NRK: variants seen among roughly 807,000 people sequenced by gnomAD.
The protein encoded by NRK is Nik related kinase.
Under a neutral mutation model 125.2 loss-of-function variants are expected in NRK, and 67 were observed. The observed-to-expected ratio is 0.54, with a 90% CI of 0.44 to 0.66. The LOEUF is 0.66. NRK is among the 30% of genes least tolerant of loss of function. The pLI is 0.00. For missense variants in NRK, 1,224 were observed against 1,192.9 expected (o/e 1.03, Z -0.38); for synonymous variants, 458 against 429.0 (o/e 1.07, Z -0.84).
intron 2 of NRK, among the ~76,000 whole-genome samples, chrX:105,877,568 T>G (rs2039831223): frequency 9.0e-6 from 1 of 110,983 alleles, no homozygotes; most frequent in African/African-American, 3.3e-5. Flanking sequence ...AAATAAAATT[T>G]TTGAGGAGTC....
intron 2 of NRK, among the ~76,000 whole-genome samples, chrX:105,833,272 C>A (rs2039218567): frequency 1.8e-5 from 2 of 111,311 alleles, no homozygotes; most frequent in Non-Finnish European, 3.8e-5. Flanking sequence ...CTTAGGCTAC[C>A]TCAATTCCAT....
At chrX:105,915,347 T>C (rs944560839) in intron 14 of NRK, among the ~76,000 whole-genome samples, 1 of 110,809 alleles carries the variant, frequency 9.0e-6, no homozygotes, top group Non-Finnish European at 1.9e-5. Flanking sequence ...TAAAAAGCAA[T>C]GTGATAACAT....
chrX:105,887,458 AC>A (rs1760994701), intron 4 of NRK, among the ~76,000 whole-genome samples: 1 of 111,897 alleles, frequency 8.9e-6, no homozygotes, highest in Admixed American at 9.5e-5. Context: ...AGAAAGTGGA[AC>A]CCCTGCATAC....
At chrX:105,907,477 T>A (rs1490202588) in intron 11 of NRK, 1 of 111,781 alleles carries the variant, frequency 8.9e-6, no homozygotes, top group East Asian at 2.8e-4. Context: ...TGTATCATGT[T>A]TTGAGGCAAG....
chrX:105,898,102 T>C (rs1341076637), intron 7 of NRK, among the ~76,000 whole-genome samples: 1 of 112,248 alleles, frequency 8.9e-6, no homozygotes, highest in East Asian at 2.8e-4. Flanking sequence ...TCAAAAGGTC[T>C]ATGTAGGAAT....
chrX:105,861,902 CA>C (rs35263009), intron 2 of NRK, among the ~76,000 whole-genome samples: 35,643 of 103,425 alleles, frequency 0.34, 5,923 homozygotes, highest in African/African-American at 0.64. Context: ...ACCAAAAATA[CA>C]AAAAAAAAAA....
At chrX:105,943,507 C>T (rs1353235927) in intron 23 of NRK, among the ~76,000 whole-genome samples, 1 of 111,902 alleles carries the variant, frequency 8.9e-6, no homozygotes, top group Non-Finnish European at 1.9e-5. Flanking sequence ...CTATTAGGAG[C>T]TTCTTAAGAT....
intron 15 of NRK, among the ~76,000 whole-genome samples, chrX:105,916,803 T>A (rs1413609109): frequency 8.9e-6 from 1 of 111,991 alleles, no homozygotes; most frequent in Non-Finnish European, 1.9e-5. Flanking sequence ...ATAAAATCCA[T>A]ACTTGGTGTT....
chrX:105,930,398 T>A (rs1231824882), intron 19 of NRK, among the ~76,000 whole-genome samples: 1 of 110,815 alleles, frequency 9.0e-6, no homozygotes, highest in Non-Finnish European at 1.9e-5. Context: ...TTGAATTCTT[T>A]ATCTTCAATA....
intron 8 of NRK, among the ~76,000 whole-genome samples, chrX:105,899,608 C>G (rs2040129433): frequency 8.9e-6 from 1 of 111,786 alleles, no homozygotes; most frequent in African/African-American, 3.2e-5. Context: ...CAAGGACTTT[C>G]ACCTGTATTC....
intron 1 of NRK, among the ~76,000 whole-genome samples, chrX:105,828,095 G>A (rs1266941334): frequency 2.7e-5 from 3 of 112,008 alleles, no homozygotes; most frequent in Non-Finnish European, 3.8e-5. Flanking sequence ...TGTTAACCTA[G>A]TATTAAGCAT....
Position 105,899,426 on chromosome X carries a change from A to T in NRK, c.711+712A>T, listed in dbSNP as rs368958553. Among the ~76,000 whole-genome samples, 6 of 111,583 alleles carry T rather than the reference A, an allele frequency of 5.4e-5. No individual in the cohort carries two copies. In the East Asian group the frequency reaches 1.7e-3, roughly 32 times the overall value. ...GACTCAAAACTTGAAGTTGATTAAGATTCATCTCTTTTCCCTTTCCTTAAG... is the reference window on the plus strand; with the variant it reads ...GACTCAAAACTTGAAGTTGATTAAGTTTCATCTCTTTTCCCTTTCCTTAAG... On this transcript the variant is annotated intron_variant, in intron 8 of 28. Transcript: ENST00000243300.
At chrX:105,899,739 C>T (rs760296062) in intron 8 of NRK, among the ~76,000 whole-genome samples, 15 of 111,058 alleles carry the variant, frequency 1.4e-4, no homozygotes, top group African/African-American at 4.9e-4. Flanking sequence ...CCTCCGAGGC[C>T]GCAGATCACC....
At chrX:105,878,246 G>C (rs889981303) in intron 2 of NRK, among the ~76,000 whole-genome samples, 1 of 110,924 alleles carries the variant, frequency 9.0e-6, no homozygotes, top group African/African-American at 3.3e-5. Context: ...TCCTCCCAGA[G>C]ATGTAAATAA....
chrX:105,917,594 CTT>C lies in NRK; in HGVS notation c.2437_2438del (p.Leu813GlyfsTer8), dbSNP rs755678391. On this transcript the variant is annotated frameshift_variant, in exon 16 of 29. Coordinates refer to ENST00000243300, the MANE Select transcript of NRK (RefSeq NM_198465.4). LOFTEE classifies it high-confidence loss of function. ...TTTCATTAGCGTTCCTCAGCGGTCT[CTT>C]TTGGAACAAGCTCAGAAGCCCATTG... ...KFSSSVPQRS[L>X]LEQAQKPIDI... 2.6e-6 allele frequency: 3 copies of C among 1,166,181 alleles called. No individual in the cohort carries two copies. The highest frequency in any genetic ancestry group is 3.9e-5 in the South Asian group (2 of 51,152).
chrX:105,892,583 T>C (rs2040028874), intron 5 of NRK, among the ~76,000 whole-genome samples: 1 of 111,901 alleles, frequency 8.9e-6, no homozygotes, highest in Non-Finnish European at 1.9e-5. Context: ...TTTATGTTAG[T>C]TGAATGGCTT....
intron 16 of NRK, among the ~76,000 whole-genome samples, chrX:105,917,986 TGA>T (rs1170215954): frequency 2.7e-5 from 3 of 111,202 alleles, no homozygotes; most frequent in African/African-American, 9.8e-5. Context: ...TAAAGAAACT[TGA>T]GAGAGACCTC....
intron 15 of NRK, among the ~76,000 whole-genome samples, chrX:105,917,111 G>A (rs2040375444): frequency 9.0e-6 from 1 of 110,965 alleles, no homozygotes; most frequent in Non-Finnish European, 1.9e-5. Context: ...TTCTGTCAGT[G>A]TAGCTATCTA....
intron 5 of NRK, among the ~76,000 whole-genome samples, chrX:105,891,791 T>C (rs2040018826): frequency 8.9e-6 from 1 of 112,048 alleles, no homozygotes; most frequent in African/African-American, 3.2e-5. Context: ...ACCAAATTTA[T>C]AGACCTTCAG....
Sources: allele counts gnomAD v4.1 joint callset (sites outside exome capture counted in the v4.1 genomes callset), GRCh38; gene constraint gnomAD v4.1.1; transcripts MANE v1.5; gene names NCBI Gene and HGNC (gene_info 2026-07-23, HGNC 2026-07-21).